The following ACAP2 variants were observed in gnomAD, a reference collection of about 807,000 sequenced individuals.
The protein encoded by ACAP2 is arf-GAP with coiled-coil, ANK repeat and PH domain-containing protein 2.
A neutral mutation model predicts 115.8 loss-of-function variants in ACAP2; 39 were observed. That is an observed-to-expected ratio of 0.34 (90% CI 0.26 to 0.44). ACAP2 has a LOEUF of 0.44. ACAP2 is among the 20% of genes least tolerant of loss of function. ACAP2 has a pLI of 1.00. For synonymous variants in ACAP2, 289 were observed against 315.8 expected (o/e 0.92, Z 0.90); for missense variants, 662 against 927.6 (o/e 0.71, Z 3.72).
chr3:195,369,622 T>C (rs1261962657), intron 4 of ACAP2, among the ~76,000 whole-genome samples: 1 of 152,262 alleles, frequency 6.6e-6, no homozygotes, highest in African/African-American at 2.4e-5. Context: ...TATTCCACAG[T>C]ACATATGTAT....
At chr3:195,393,637 C>T (rs1711517663) in intron 1 of ACAP2, among the ~76,000 whole-genome samples, 1 of 152,158 alleles carries the variant, frequency 6.6e-6, no homozygotes, top group South Asian at 2.1e-4. Flanking sequence ...ACCTAGAAAA[C>T]ATTTTTCATT....
chr3:195,296,042 TTA>T (rs1423497665), intron 16 of ACAP2, 150 bp from the exon 17 acceptor site: 2 of 614,464 alleles, frequency 3.3e-6, no homozygotes, highest in African/African-American at 3.8e-5. Context: ...CATATATATA[TTA>T]TGTTTCCCTT....
At chr3:195,312,861 T>A (rs1033644888) in intron 10 of ACAP2, 1 of 152,134 alleles carries the variant, frequency 6.6e-6, no homozygotes, top group African/African-American at 2.4e-5. Context: ...GTAATCCAAC[T>A]GGAATGCAAG....
At chr3:195,389,917 C>T (rs901471272) in intron 2 of ACAP2, among the ~76,000 whole-genome samples, 2 of 152,174 alleles carry the variant, frequency 1.3e-5, no homozygotes, top group African/African-American at 2.4e-5. Flanking sequence ...ACAGAGGGGC[C>T]GGGTGCAGTG....
chr3:195,375,117 G>T (rs891250089), intron 4 of ACAP2, among the ~76,000 whole-genome samples: 1 of 151,384 alleles, frequency 6.6e-6, no homozygotes, highest in African/African-American at 2.4e-5. Context: ...GCTTGAACCC[G>T]GGAGGCAGAG....
chr3:195,313,594 A>G lies in ACAP2; in HGVS notation c.858-4757T>C, dbSNP rs1054639852. Among the ~76,000 whole-genome samples, 8 of 152,346 alleles carry G rather than the reference A, an allele frequency of 5.3e-5. No homozygotes were observed. The East Asian group carries it at 1.5e-3, about 29-fold the overall frequency. ...TCTTTAATCCATGTATATACTTCTT[A>G]TAATACAAAAGGCCAATAGAAATAA... On this transcript the variant is annotated intron_variant, in intron 10 of 22. Coordinates refer to ENST00000326793, the MANE Select transcript of ACAP2 (RefSeq NM_012287.6).
At chr3:195,350,701 A>G (rs1272619394) in intron 4 of ACAP2, among the ~76,000 whole-genome samples, 1 of 151,896 alleles carries the variant, frequency 6.6e-6, no homozygotes, top group East Asian at 1.9e-4. Flanking sequence ...AGCAGAAATT[A>G]CCCACGCATA....
intron 2 of ACAP2, among the ~76,000 whole-genome samples, chr3:195,387,673 C>T (rs1734393242): frequency 6.6e-6 from 1 of 152,176 alleles, no homozygotes; most frequent in Non-Finnish European, 1.5e-5. Flanking sequence ...CCAAGCTGGT[C>T]TCAAACTCCT....
chr3:195,344,229 A>G (rs1459196983), intron 5 of ACAP2, among the ~76,000 whole-genome samples: 1 of 152,140 alleles, frequency 6.6e-6, no homozygotes, highest in Non-Finnish European at 1.5e-5. Context: ...ATATTTAAAA[A>G]AGAAAAAAAC....
intron 1 of ACAP2, among the ~76,000 whole-genome samples, chr3:195,406,203 T>C (rs1712755171): frequency 6.6e-6 from 1 of 152,190 alleles, no homozygotes; most frequent in Non-Finnish European, 1.5e-5. Context: ...ACATCAAGAA[T>C]CAAGAGTCAA....
intron 8 of ACAP2, among the ~76,000 whole-genome samples, chr3:195,329,325 T>C (rs1241855228): frequency 6.6e-6 from 1 of 152,180 alleles, no homozygotes; most frequent in Admixed American, 6.5e-5. Flanking sequence ...CCCGTGTTTG[T>C]GTTAGTACTG....
At chr3:195,405,457 T>G (rs1577426809) in intron 1 of ACAP2, among the ~76,000 whole-genome samples, 1 of 152,002 alleles carries the variant, frequency 6.6e-6, no homozygotes, top group Admixed American at 6.6e-5. Context: ...GAGGCCAAGG[T>G]GGGCAGATCA....
chr3:195,282,829 C>CT (rs1220885717), intron 22 of ACAP2: 1 of 152,234 alleles, frequency 6.6e-6, no homozygotes, highest in East Asian at 1.9e-4. Context: ...ATGCAGACTG[C>CT]TGTGTTTCCA....
chr3:195,365,673 G>A (rs1732666217), intron 4 of ACAP2, among the ~76,000 whole-genome samples: 1 of 152,046 alleles, frequency 6.6e-6, no homozygotes, highest in Non-Finnish European at 1.5e-5. Context: ...TATAGAAAAG[G>A]GCAAGGCTAT....
intron 15 of ACAP2, 45 bp from the exon 16 acceptor site, chr3:195,297,326 C>T (rs1560213072): frequency 6.5e-7 from 1 of 1,528,260 alleles, no homozygotes; most frequent in African/African-American, 1.4e-5. Context: ...ACATTAAAGA[C>T]CTTAAAATAA....
At chr3:195,384,178 T>C (rs1734135683) in intron 2 of ACAP2, among the ~76,000 whole-genome samples, 1 of 152,236 alleles carries the variant, frequency 6.6e-6, no homozygotes, top group Non-Finnish European at 1.5e-5. Context: ...TGTAAAGATA[T>C]TCACTGCGGT....
Position 195,279,442 on chromosome 3 carries a change from A to C in ACAP2, c.2237-14T>G, listed in dbSNP as rs1726344590. On this transcript the variant is annotated splice_polypyrimidine_tract_variant and intron_variant, in intron 22 of 22. Coordinates refer to ENST00000326793, the MANE Select transcript of ACAP2 (RefSeq NM_012287.6). The stretch of plus-strand genomic sequence containing the variant: ...AAGTTTCATCACCTGCATGAAATAA[A>C]ATAAAGACACTTTAAACATTTACAC... 6.7e-7 allele frequency: 1 copy of C among 1,498,514 alleles called. No individual in the cohort carries two copies. The highest frequency in any genetic ancestry group is 9.1e-7 in the Non-Finnish European group (1 of 1,096,764). The allele number at this position is 1,498,514 out of a possible 1,614,324, so 92.8% of individuals were successfully genotyped here. A position where few individuals can be genotyped will look rare whatever the true frequency, so the allele number is the denominator to read the frequency against.
At position 195,337,024 on chromosome 3, in the gene ACAP2, T is replaced by C. The variant is rs990838829; in HGVS notation, c.529-48A>G. On this transcript the variant is annotated intron_variant, in intron 6 of 22. Coordinates refer to ENST00000326793, the MANE Select transcript of ACAP2 (RefSeq NM_012287.6). ...AATCACCCATGCATTATTTTAAAGC[T>C]AATCCATAATGCAATATTGTAAAGC... The C allele has an allele frequency of 2.7e-6, 4 of 1,492,970 alleles. No homozygotes were observed. In the African/African-American group the frequency reaches 5.6e-5, roughly 21 times the overall value. The allele number at this position is 1,492,970 out of a possible 1,614,324, so 92.5% of individuals were successfully genotyped here. A position where few individuals can be genotyped will look rare whatever the true frequency, so the allele number is the denominator to read the frequency against.
At chr3:195,424,462 A>G (rs1254526074) in intron 1 of ACAP2, among the ~76,000 whole-genome samples, 1 of 149,434 alleles carries the variant, frequency 6.7e-6, no homozygotes. Flanking sequence ...TGTCCAGCTA[A>G]TTTTTTTTGT....
Sources: allele counts gnomAD v4.1 joint callset (sites outside exome capture counted in the v4.1 genomes callset), GRCh38; gene constraint gnomAD v4.1.1; transcripts MANE v1.5; gene names NCBI Gene and HGNC (gene_info 2026-07-23, HGNC 2026-07-21).